NETO2: variants seen among roughly 807,000 people sequenced by gnomAD.
NETO2 encodes neuropilin and tolloid like 2.
NETO2 carries 28 observed loss-of-function variants against 62.5 expected under a neutral mutation model. The observed-to-expected ratio is 0.45, with a 90% CI of 0.33 to 0.61. The LOEUF (loss-of-function observed/expected upper bound fraction) is 0.61, where lower values mean the gene tolerates loss of function less well. Ranked by LOEUF, NETO2 falls within the 20% of genes least tolerant of loss-of-function variation. NETO2 has a pLI of 0.02. For missense variants in NETO2, 548 were observed against 643.2 expected, an observed-to-expected ratio of 0.85 and a Z score of 1.60; for synonymous variants, 214 against 219.1, an observed-to-expected ratio of 0.98 and a Z score of 0.21.
At position 47,143,868 on chromosome 16, in the gene NETO2, G is replaced by C; in HGVS notation, c.-256C>G. On this transcript the variant is annotated 5_prime_UTR_variant, in exon 1 of 9. Transcript: ENST00000562435. Reference sequence around the variant, plus strand: ...GCGCCCCGTCCCATCGACCGCCCGAGGGCCGAGGAGTGCGGACGCGCGGCG... The same window carrying C: ...GCGCCCCGTCCCATCGACCGCCCGACGGCCGAGGAGTGCGGACGCGCGGCG... 1 of 286,546 alleles carries C rather than the reference G, an allele frequency of 3.5e-6. No homozygotes were observed. The highest frequency in any genetic ancestry group is 6.1e-6 in the Non-Finnish European group (1 of 164,144). 17.8% of individuals were successfully genotyped at this position (286,546 alleles called of 1,614,324 possible).
intron 7 of NETO2, among the ~76,000 whole-genome samples, chr16:47,105,125 T>A (rs1053772662): frequency 1.8e-4 from 27 of 151,762 alleles, no homozygotes; most frequent in Admixed American, 2.6e-4. Context: ...CTCAAACTCC[T>A]GGACTCAAGC....
At chr16:47,090,282 T>C (rs1289830429) in intron 7 of NETO2, among the ~76,000 whole-genome samples, 2 of 152,360 alleles carry the variant, frequency 1.3e-5, no homozygotes, top group Admixed American at 1.3e-4. Context: ...AGCACTGATA[T>C]TGTCAGCTTT....
At chr16:47,132,106 CAA>C (rs1205748664) in intron 1 of NETO2, 81 bp from the exon 2 acceptor site, 1 of 1,055,278 alleles carries the variant, frequency 9.5e-7, no homozygotes. Flanking sequence ...AATTGGATGA[CAA>C]AAAAAGATTA....
chr16:47,127,045 T>C (rs139219909), intron 4 of NETO2, among the ~76,000 whole-genome samples: 1 of 152,350 alleles, frequency 6.6e-6, no homozygotes, highest in East Asian at 1.9e-4. Flanking sequence ...CTGGAAGGGA[T>C]ATACACCAAA....
rs1487132302 is a variant in NETO2, at chr16:47,143,909, G to C, written c.-297C>G. Reference sequence around the variant, plus strand: ...ACGCGCGGCGCGGGACCGGCAGGCAGCTCCGCCCGCGGCCCCGGCGCGGGA... The same window carrying C: ...ACGCGCGGCGCGGGACCGGCAGGCACCTCCGCCCGCGGCCCCGGCGCGGGA... On this transcript the variant is annotated 5_prime_UTR_variant, in exon 1 of 9. Transcript: ENST00000562435. 5.1e-6 allele frequency: 1 copy of C among 194,706 alleles called. No individual in the cohort carries two copies. Among genetic ancestry groups the C allele is most frequent in the Non-Finnish European group, 1.0e-5 (1 of 97,746 alleles). The allele number at this position is 194,706 out of a possible 1,614,324, so 12.1% of individuals were successfully genotyped here.
intron 7 of NETO2, among the ~76,000 whole-genome samples, chr16:47,097,933 CCTGA>C (rs1237448034): frequency 6.6e-6 from 1 of 152,148 alleles, no homozygotes; most frequent in African/African-American, 2.4e-5. Flanking sequence ...CGCAGAGGGG[CCTGA>C]CTGTTAGAAG....
intron 6 of NETO2, 143 bp from the exon 7 acceptor site, chr16:47,109,854 T>A (rs1417655891): frequency 1.6e-6 from 1 of 611,022 alleles, no homozygotes; most frequent in Non-Finnish European, 2.9e-6. Context: ...GCCTAAATAG[T>A]GAGAGGAACT....
intron 7 of NETO2, among the ~76,000 whole-genome samples, chr16:47,094,452 G>A (rs1283350537): frequency 6.6e-6 from 1 of 151,430 alleles, no homozygotes; most frequent in Admixed American, 6.6e-5. Context: ...TAGAGACGGA[G>A]TCTTACTCTG....
At chr16:47,085,366 C>T (rs1261853876) in intron 8 of NETO2, among the ~76,000 whole-genome samples, 2 of 151,928 alleles carry the variant, frequency 1.3e-5, no homozygotes, top group African/African-American at 2.4e-5. Context: ...AAGGGCAAGG[C>T]ATACCACGAT....
chr16:47,080,921 T>G lies in NETO2; in HGVS notation c.*2300A>C, dbSNP rs1356744550. The G allele has an allele frequency of 6.6e-6, 1 of 152,202 alleles. No homozygotes were observed. The highest frequency in any genetic ancestry group is 6.5e-5 in the Admixed American group (1 of 15,280). 9.4% of individuals were successfully genotyped at this position (152,202 alleles called of 1,614,324 possible). ...TTTTTACTGTGAAAAGCAAAAAGTGTTTTAGCAGCCAGAAAATTCAGAACC... is the reference window on the plus strand; with the variant it reads ...TTTTTACTGTGAAAAGCAAAAAGTGGTTTAGCAGCCAGAAAATTCAGAACC... On this transcript the variant is annotated 3_prime_UTR_variant, in exon 9 of 9. Transcript: ENST00000562435.
At chr16:47,085,594 G>T (rs1418584631) in intron 8 of NETO2, among the ~76,000 whole-genome samples, 1 of 151,562 alleles carries the variant, frequency 6.6e-6, no homozygotes, top group Non-Finnish European at 1.5e-5. Flanking sequence ...ATGTTAGCCA[G>T]GTTGGTCTTG....
intron 7 of NETO2, among the ~76,000 whole-genome samples, chr16:47,097,118 C>A (rs1963442839): frequency 6.6e-6 from 1 of 152,204 alleles, no homozygotes; most frequent in African/African-American, 2.4e-5. Flanking sequence ...CACCGAGCTA[C>A]CTGCAGAAGT....
chr16:47,109,063 G>C (rs1430751340), intron 7 of NETO2, among the ~76,000 whole-genome samples: 1 of 152,116 alleles, frequency 6.6e-6, no homozygotes, highest in Non-Finnish European at 1.5e-5. Context: ...CCTTTATAAT[G>C]AGTGTTCCAA....
intron 4 of NETO2, among the ~76,000 whole-genome samples, chr16:47,126,027 TTC>T (rs1324726765): frequency 6.6e-6 from 1 of 152,180 alleles, no homozygotes; most frequent in African/African-American, 2.4e-5. Context: ...CCATTCCACT[TTC>T]TGTTTCTATG....
At chr16:47,120,471 T>C (rs1257980475) in intron 6 of NETO2, among the ~76,000 whole-genome samples, 1 of 152,206 alleles carries the variant, frequency 6.6e-6, no homozygotes, top group African/African-American at 2.4e-5. Flanking sequence ...TTAGGATAAA[T>C]GGGGGATCCA....
At chr16:47,120,403 T>C (rs1377899630) in intron 6 of NETO2, among the ~76,000 whole-genome samples, 8 of 152,224 alleles carry the variant, frequency 5.3e-5, no homozygotes. Context: ...AATAGCTATA[T>C]GTATTTATAG....
chr16:47,124,445 A>C (rs993153866), intron 4 of NETO2, among the ~76,000 whole-genome samples: 29 of 152,226 alleles, frequency 1.9e-4, no homozygotes, highest in Admixed American at 7.9e-4. Flanking sequence ...CATTAAAAAA[A>C]ATGAACTTCT....
At chr16:47,129,069 T>C in intron 3 of NETO2, among the ~76,000 whole-genome samples, 155 bp downstream of exon 3, 1 of 152,236 alleles carries the variant, frequency 6.6e-6, no homozygotes, top group Admixed American at 6.5e-5. Flanking sequence ...ATCTTGTTAA[T>C]GTATTCAATA....
At position 47,128,546 on chromosome 16, in the gene NETO2, G is replaced by A. The variant is rs778341737; in HGVS notation, c.260C>T (p.Thr87Ile). The change falls in exon 4 of 9, where the codon ACC becomes ATC. Residue 87 changes from threonine (T) to isoleucine (I), a missense_variant. Physicochemically the swap from Thr to Ile is moderately conservative, Grantham distance 89 (BLOSUM62 -1). Transcript: ENST00000562435. ...TTCTATATAATAATGTTCATCAAAG[G>A]TCAACTCTATTCTTTGACGTGGAGC... ...EAAPRQRIEL[T>I]FDEHYYIEPS... 12 of 1,613,098 alleles carry A rather than the reference G, an allele frequency of 7.4e-6. No homozygotes were observed. The South Asian group carries it at 9.9e-5, about 13-fold the overall frequency.
Sources: allele counts gnomAD v4.1 joint callset (sites outside exome capture counted in the v4.1 genomes callset), GRCh38; gene constraint gnomAD v4.1.1; transcripts MANE v1.5; gene names NCBI Gene and HGNC (gene_info 2026-07-23, HGNC 2026-07-21).